MAPKAPK5: variants seen among roughly 807,000 people sequenced by gnomAD.
The protein encoded by MAPKAPK5 is MAP kinase-activated protein kinase 5.
MAPKAPK5 carries 30 observed loss-of-function variants against 65.1 expected under a neutral mutation model. The observed-to-expected ratio is 0.46, with a 90% CI of 0.34 to 0.63. The LOEUF is 0.63. MAPKAPK5 is among the 20% of genes least tolerant of loss of function. MAPKAPK5 has a pLI of 0.01. For missense variants in MAPKAPK5, 433 were observed against 581.4 expected (o/e 0.74, Z 2.63); for synonymous variants, 179 against 204.6 (o/e 0.87, Z 1.07).
intron 8 of MAPKAPK5, among the ~76,000 whole-genome samples, chr12:111,880,891 C>T (rs1268394237): frequency 1.3e-5 from 2 of 152,112 alleles, no homozygotes; most frequent in African/African-American, 4.8e-5. Context: ...ATATGGTTGG[C>T]TTGTGTTTTT....
At chr12:111,884,910 T>A (rs973120239) in intron 9 of MAPKAPK5, among the ~76,000 whole-genome samples, 2 of 152,312 alleles carry the variant, frequency 1.3e-5, no homozygotes, top group Middle Eastern at 3.4e-3. Context: ...AGGTTCTGTG[T>A]GCTATAAAGA....
rs542103301 is a variant in MAPKAPK5, at chr12:111,886,855, C to T, written c.969+819C>T. Among the ~76,000 whole-genome samples, 10 of 152,282 alleles carry T rather than the reference C, an allele frequency of 6.6e-5. No homozygotes were observed. In the East Asian group the frequency reaches 7.7e-4, roughly 12 times the overall value. Reference sequence around the variant, plus strand: ...CAGACTTGCCAGCCTAATACTTCTGCAGTAATCTAGAAGTCGGAGGTGGCT... The same window carrying T: ...CAGACTTGCCAGCCTAATACTTCTGTAGTAATCTAGAAGTCGGAGGTGGCT... On this transcript the variant is annotated intron_variant, in intron 10 of 13. Transcript: ENST00000550735.
At chr12:111,862,872 G>A (rs1225066013) in intron 1 of MAPKAPK5, among the ~76,000 whole-genome samples, 3 of 152,132 alleles carry the variant, frequency 2.0e-5, no homozygotes, top group Non-Finnish European at 2.9e-5. Context: ...TTACCACGAT[G>A]CTTAAATTCT....
intron 1 of MAPKAPK5, among the ~76,000 whole-genome samples, chr12:111,849,541 C>T (rs973719678): frequency 2.0e-5 from 3 of 152,110 alleles, no homozygotes; most frequent in South Asian, 2.1e-4. Flanking sequence ...GGATTGCAGG[C>T]GTCAGCCACC....
intron 12 of MAPKAPK5, 132 bp downstream of exon 12, chr12:111,889,132 A>T: frequency 1.1e-5 from 11 of 1,016,918 alleles, no homozygotes; most frequent in Non-Finnish European, 1.6e-5. Context: ...TTGTGTTATA[A>T]GAAAAGTACA....
intron 1 of MAPKAPK5, among the ~76,000 whole-genome samples, chr12:111,852,031 A>C (rs2069102467): frequency 6.6e-6 from 1 of 152,210 alleles, no homozygotes; most frequent in Non-Finnish European, 1.5e-5. Context: ...ATGTACAAGA[A>C]ACAGGGGCAG....
intron 7 of MAPKAPK5, among the ~76,000 whole-genome samples, chr12:111,875,829 A>C (rs1476587477): frequency 6.6e-6 from 1 of 151,356 alleles, no homozygotes; most frequent in Admixed American, 6.6e-5. Flanking sequence ...GCCAGCTTTC[A>C]CTCCCCATCT....
chr12:111,870,710 G>T (rs1172736074), intron 6 of MAPKAPK5, among the ~76,000 whole-genome samples: 1 of 152,148 alleles, frequency 6.6e-6, no homozygotes, highest in East Asian at 1.9e-4. Flanking sequence ...TGTCTCACCA[G>T]ATAAGTTGCT....
chr12:111,842,722 G>T lies in MAPKAPK5; in HGVS notation c.-12G>T. The T allele has an allele frequency of 7.3e-7, 1 of 1,374,426 alleles. No individual in the cohort carries two copies. The allele number at this position is 1,374,426 out of a possible 1,614,324, so 85.1% of individuals were successfully genotyped here. A position where few individuals can be genotyped will look rare whatever the true frequency, so the allele number is the denominator to read the frequency against. ...GCCTCCGCCTCTCCCGGCTGTGGGG[G>T]CCCCACTGAGTATGTCGGAGGAGAG... On this transcript the variant is annotated 5_prime_UTR_variant, in exon 1 of 14. Coordinates refer to ENST00000550735, the MANE Select transcript of MAPKAPK5 (RefSeq NM_003668.4).
chr12:111,885,661 A>T, intron 9 of MAPKAPK5: 1 of 436,176 alleles, frequency 2.3e-6, no homozygotes, highest in Non-Finnish European at 4.1e-6. Flanking sequence ...AAACCCTAGA[A>T]CTCAAAAGTA....
intron 10 of MAPKAPK5, chr12:111,888,233 T>C (rs909541658): frequency 1.3e-5 from 5 of 386,538 alleles, no homozygotes; most frequent in Non-Finnish European, 2.4e-5. Context: ...TGCTGGTATT[T>C]CTTACTCGCA....
chr12:111,891,801 C>T (rs1220423798), intron 13 of MAPKAPK5, among the ~76,000 whole-genome samples: 6 of 144,390 alleles, frequency 4.2e-5, no homozygotes, highest in East Asian at 2.0e-4. Context: ...AGAGAGACTC[C>T]GTCTTTAAAA....
chr12:111,860,663 G>A (rs939485995), intron 1 of MAPKAPK5, among the ~76,000 whole-genome samples: 1 of 152,174 alleles, frequency 6.6e-6, no homozygotes, highest in African/African-American at 2.4e-5. Flanking sequence ...GGAGTAGAAG[G>A]ATGGCAGGAT....
At chr12:111,859,744 G>A (rs1362287995) in intron 1 of MAPKAPK5, among the ~76,000 whole-genome samples, 1 of 151,204 alleles carries the variant, frequency 6.6e-6, no homozygotes, top group East Asian at 2.0e-4. Flanking sequence ...CTGCCTCCCT[G>A]GTTCAAGCGA....
chr12:111,880,288 A>G, intron 7 of MAPKAPK5, 159 bp from the exon 8 acceptor site: 1 of 624,844 alleles, frequency 1.6e-6, no homozygotes, highest in Non-Finnish European at 2.9e-6. Context: ...GGTTGTAAGA[A>G]AAAAACGTTT....
intron 7 of MAPKAPK5, among the ~76,000 whole-genome samples, chr12:111,874,077 T>A (rs944710749): frequency 6.6e-6 from 1 of 152,200 alleles, no homozygotes; most frequent in Admixed American, 6.5e-5. Flanking sequence ...AATTTTGTTT[T>A]TGGATGCTGT....
intron 1 of MAPKAPK5, chr12:111,843,187 T>C (rs2068783933): frequency 5.0e-6 from 2 of 398,538 alleles, no homozygotes; most frequent in East Asian, 3.6e-5. Context: ...GAAATCAGCC[T>C]TCTGGAAATC....
Position 111,883,807 on chromosome 12 carries a change from C to T in MAPKAPK5, c.848+39C>T, listed in dbSNP as rs1330025899. ...CTGCTGGGCATGGAGGCCAAGGAGG[C>T]CTCCAGGTGGTGGAGCACAAGGGAA... On this transcript the variant is annotated intron_variant, in intron 9 of 13. Coordinates refer to ENST00000550735, the MANE Select transcript of MAPKAPK5 (RefSeq NM_003668.4). The surrounding 1 kb of genome is among the most constrained non-coding windows in gnomAD (Gnocchi z 4.8). The T allele has an allele frequency of 1.3e-6, 2 of 1,595,816 alleles. No homozygotes were observed. Among genetic ancestry groups the T allele is most frequent in the African/African-American group, 2.7e-5 (2 of 74,580 alleles).
In MAPKAPK5 at chr12:111,895,006, T is replaced by C. The variant is rs2070747766; in HGVS notation, c.*1945T>C. 2 of 152,078 alleles carry C rather than the reference T, an allele frequency of 1.3e-5. No homozygotes were observed. 9.4% of individuals were successfully genotyped at this position (152,078 alleles called of 1,614,324 possible). A position where few individuals can be genotyped will look rare whatever the true frequency, so the allele number is the denominator to read the frequency against. On this transcript the variant is annotated 3_prime_UTR_variant, in exon 14 of 14. Transcript: ENST00000550735. ...CCTGAATCTTCAGGGTGACATTTGG[T>C]TAGTATGCCCTGTATGTGTGTGACT...
Sources: allele counts gnomAD v4.1 joint callset (sites outside exome capture counted in the v4.1 genomes callset), GRCh38; gene constraint gnomAD v4.1.1; non-coding constraint Gnocchi (gnomAD v3.1); transcripts MANE v1.5; gene names NCBI Gene and HGNC (gene_info 2026-07-23, HGNC 2026-07-21).